POLR3B: variants seen among roughly 807,000 people sequenced by gnomAD.
The protein encoded by POLR3B is RNA polymerase III subunit B.
POLR3B carries 96 observed loss-of-function variants against 147.4 expected under a neutral mutation model. The ratio of observed to expected loss-of-function variants is 0.65; its 90% CI spans 0.55 to 0.77. The LOEUF (loss-of-function observed/expected upper bound fraction) is 0.77. POLR3B is among the 30% of genes least tolerant of loss of function. The pLI is 0.00. For missense variants in POLR3B, 1,036 were observed against 1,413.5 expected, an observed-to-expected ratio of 0.73 and a Z score of 4.28; for synonymous variants, 461 against 485.9, an observed-to-expected ratio of 0.95 and a Z score of 0.67.
At chr12:106,462,117 T>C (rs1027367302) in intron 22 of POLR3B, among the ~76,000 whole-genome samples, 8 of 152,160 alleles carry the variant, frequency 5.3e-5, no homozygotes, top group Non-Finnish European at 1.2e-4. Flanking sequence ...TCTTAGCAGC[T>C]CTCTTCTCTC....
chr12:106,509,291 A>G, intron 27 of POLR3B, 129 bp from the exon 28 acceptor site: 2 of 969,866 alleles, frequency 2.1e-6, no homozygotes, highest in South Asian at 2.6e-5. Context: ...GTGCAACTGA[A>G]CACTTAGGAA....
chr12:106,422,146 C>T (rs906793260), intron 12 of POLR3B, among the ~76,000 whole-genome samples: 2 of 152,138 alleles, frequency 1.3e-5, no homozygotes, highest in Admixed American at 6.6e-5. Context: ...CGATGCTGGA[C>T]GTGGGGCCTG....
At chr12:106,362,406 G>T (rs978141946) in intron 1 of POLR3B, among the ~76,000 whole-genome samples, 2 of 152,148 alleles carry the variant, frequency 1.3e-5, no homozygotes, top group Non-Finnish European at 2.9e-5. Context: ...ACAGAAATTT[G>T]TTTTCTCATA....
At chr12:106,384,854 G>A (rs1159710026) in intron 9 of POLR3B, among the ~76,000 whole-genome samples, 7 of 148,606 alleles carry the variant, frequency 4.7e-5, no homozygotes, top group Admixed American at 4.7e-4. Context: ...TTGAGATGGC[G>A]TTTCGCTCTT....
chr12:106,393,647 A>G, intron 10 of POLR3B, among the ~76,000 whole-genome samples: 1 of 151,924 alleles, frequency 6.6e-6, no homozygotes, highest in African/African-American at 2.4e-5. Context: ...TGCTTTGGAC[A>G]GCAAGGAAAA....
chr12:106,455,334 C>T (rs945358410), intron 20 of POLR3B, among the ~76,000 whole-genome samples: 5 of 152,134 alleles, frequency 3.3e-5, no homozygotes, highest in Non-Finnish European at 4.4e-5. Context: ...TCCTTCCTGG[C>T]GTACCCACTA....
chr12:106,387,384 A>G (rs1440445217), intron 9 of POLR3B, among the ~76,000 whole-genome samples: 3 of 151,572 alleles, frequency 2.0e-5, no homozygotes, highest in Non-Finnish European at 4.4e-5. Flanking sequence ...CTTAAACACA[A>G]CCCTAGGATG....
At chr12:106,371,505 C>T (rs1382301383) in intron 6 of POLR3B, among the ~76,000 whole-genome samples, 13 of 151,918 alleles carry the variant, frequency 8.6e-5, no homozygotes, top group Admixed American at 6.6e-5. Context: ...TTTATTGTGG[C>T]ACTATTTACA....
intron 6 of POLR3B, among the ~76,000 whole-genome samples, chr12:106,373,439 A>G (rs771934882): frequency 2.6e-5 from 4 of 152,082 alleles, no homozygotes; most frequent in Non-Finnish European, 4.4e-5. Flanking sequence ...GCATATCATT[A>G]AAAAAATTAT....
chr12:106,506,326 C>T (rs375440568), intron 27 of POLR3B, among the ~76,000 whole-genome samples: 7 of 152,164 alleles, frequency 4.6e-5, no homozygotes, highest in African/African-American at 1.7e-4. Context: ...AGAAGAATCA[C>T]GTCATTAAAA....
At chr12:106,451,630 A>C (rs1339931152) in intron 19 of POLR3B, among the ~76,000 whole-genome samples, 7 of 53,936 alleles carry the variant, frequency 1.3e-4, no homozygotes, top group African/African-American at 7.4e-4. Flanking sequence ...ATTTAAAAAA[A>C]GGCGGGGGGG....
chr12:106,473,713 T>C (rs1263875512), intron 23 of POLR3B, among the ~76,000 whole-genome samples: 1 of 87,536 alleles, frequency 1.1e-5, no homozygotes, highest in Non-Finnish European at 2.2e-5. Context: ...TACATTGATT[T>C]TGTATCCTGA....
intron 9 of POLR3B, among the ~76,000 whole-genome samples, chr12:106,390,021 C>A (rs1462737681): frequency 6.6e-6 from 1 of 152,104 alleles, no homozygotes; most frequent in Non-Finnish European, 1.5e-5. Flanking sequence ...GAATTTGAGA[C>A]CAGCCTGGCC....
At chr12:106,496,998 T>C in intron 25 of POLR3B, 80 bp downstream of exon 25, 1 of 1,340,826 alleles carries the variant, frequency 7.5e-7, no homozygotes, top group South Asian at 1.2e-5. Flanking sequence ...AGGTATACTC[T>C]ATTAAGTATA....
At chr12:106,493,695 A>G (rs1436369265) in intron 23 of POLR3B, among the ~76,000 whole-genome samples, 1 of 152,186 alleles carries the variant, frequency 6.6e-6, no homozygotes, top group East Asian at 1.9e-4. Context: ...GCTGTGTTAG[A>G]TCTGCAGTTG....
intron 10 of POLR3B, 124 bp downstream of exon 10, chr12:106,393,277 A>G: frequency 7.3e-7 from 1 of 1,373,964 alleles, no homozygotes; most frequent in South Asian, 1.2e-5. Context: ...TTGGGGAGAT[A>G]TGGGAGGAGT....
At position 106,496,281 on chromosome 12, in the gene POLR3B, C is replaced by T. The variant is rs721438; in HGVS notation, c.2817+123C>T. ...TGTTTTTTCAGGTAGAGCTCTTCTG[C>T]CCCTTGCCAGATAAACAGGCTTCCA... On this transcript the variant is annotated intron_variant, in intron 24 of 27. Coordinates refer to ENST00000228347, the MANE Select transcript of POLR3B (RefSeq NM_018082.6). 0.57 allele frequency: 423,783 copies of T among 738,356 alleles called. 123,536 individuals carry two copies. Among genetic ancestry groups the T allele is most frequent in the East Asian group, 0.74 (28,482 of 38,624 alleles). The allele number at this position is 738,356 out of a possible 1,614,324, so 45.7% of individuals were successfully genotyped here. A position where few individuals can be genotyped will look rare whatever the true frequency, so the allele number is the denominator to read the frequency against.
chr12:106,466,334 T>A (rs902351196), intron 23 of POLR3B, among the ~76,000 whole-genome samples: 7 of 152,206 alleles, frequency 4.6e-5, no homozygotes, highest in African/African-American at 1.7e-4. Flanking sequence ...TTTAAGTCCG[T>A]TGTAGATTCT....
intron 25 of POLR3B, 124 bp downstream of exon 25, chr12:106,497,042 A>G: frequency 1.1e-6 from 1 of 944,824 alleles, no homozygotes; most frequent in Non-Finnish European, 1.7e-6. Flanking sequence ...CGTGGGCGGC[A>G]TGTGGCCCAG....
Sources: allele counts gnomAD v4.1 joint callset (sites outside exome capture counted in the v4.1 genomes callset), GRCh38; gene constraint gnomAD v4.1.1; transcripts MANE v1.5; gene names NCBI Gene and HGNC (gene_info 2026-07-23, HGNC 2026-07-21).